Variants in IRS1 observed in about 807,000 individuals in gnomAD.
The protein encoded by IRS1 is insulin receptor substrate 1.
IRS1 carries 34 observed loss-of-function variants against 65.6 expected under a neutral mutation model. The observed-to-expected ratio is 0.52, with a 90% CI of 0.39 to 0.69. IRS1 has a LOEUF of 0.69. Ranked by LOEUF, IRS1 falls within the 30% of genes least tolerant of loss-of-function variation. The pLI is 0.00. For missense variants in IRS1, 1,641 were observed against 1,720.2 expected (o/e 0.95, Z 0.81); for synonymous variants, 699 against 683.5 (o/e 1.02, Z -0.35).
At position 226,735,777 on chromosome 2, in the gene IRS1, A is replaced by T. The variant is rs1285545136; in HGVS notation, c.*495T>A. 1 of 152,674 alleles carries T rather than the reference A, an allele frequency of 6.5e-6. No individual in the cohort carries two copies. The allele number at this position is 152,674 out of a possible 1,614,324, so 9.5% of individuals were successfully genotyped here. On this transcript the variant is annotated 3_prime_UTR_variant, in exon 2 of 2. Transcript: ENST00000305123. ...TGTAAGAAAAGTTACATTTTCATTT[A>T]AAAAATTACACATATAAATCAAAAC...
At chr2:226,748,579 G>C (rs570265894) in intron 1 of IRS1, among the ~76,000 whole-genome samples, 1 of 152,054 alleles carries the variant, frequency 6.6e-6, no homozygotes, top group African/African-American at 2.4e-5. Flanking sequence ...TCAGAACACT[G>C]TTTCATAGAG....
At chr2:226,776,394 C>T (rs906114140) in intron 1 of IRS1, among the ~76,000 whole-genome samples, 4 of 151,912 alleles carry the variant, frequency 2.6e-5, no homozygotes, top group African/African-American at 9.7e-5. Context: ...AGATAACTGC[C>T]CAATCCTTAA....
intron 1 of IRS1, among the ~76,000 whole-genome samples, chr2:226,787,026 A>C (rs1308501391): frequency 1.3e-5 from 2 of 152,174 alleles, no homozygotes; most frequent in Non-Finnish European, 2.9e-5. Flanking sequence ...AAGCTAAGAT[A>C]GCAAGAAAAG....
At chr2:226,743,902 A>G (rs1238008055) in intron 1 of IRS1, among the ~76,000 whole-genome samples, 1 of 152,244 alleles carries the variant, frequency 6.6e-6, no homozygotes, top group Non-Finnish European at 1.5e-5. Flanking sequence ...AAAGGGAATC[A>G]GGCAGAGCCT....
intron 1 of IRS1, among the ~76,000 whole-genome samples, chr2:226,751,140 AG>A (rs1214061656): frequency 6.6e-6 from 1 of 152,168 alleles, no homozygotes; most frequent in African/African-American, 2.4e-5. Context: ...GTAAGGTTCT[AG>A]AAGAGTTAAC....
rs138469608 is a variant in IRS1, at chr2:226,763,471, C to A, written c.*22-27221G>T. ...CATCTCAGATCCTGGTGGTTACCCC[C>A]TTTGAATGCCAACGTGAAAATGAAA... On this transcript the variant is annotated intron_variant, in intron 1 of 1. Transcript: ENST00000305123. Among the ~76,000 whole-genome samples, 464 of 152,314 alleles carry A rather than the reference C, an allele frequency of 3.0e-3. 4 individuals are homozygous for A. The highest frequency in any genetic ancestry group is 0.013 in the South Asian group (65 of 4,832).
chr2:226,781,473 C>A (rs1939380826), intron 1 of IRS1, among the ~76,000 whole-genome samples: 2 of 152,132 alleles, frequency 1.3e-5, no homozygotes, highest in African/African-American at 4.8e-5. Context: ...TAAAAATCCA[C>A]CTAAAAGGAG....
chr2:226,741,164 G>A (rs1219185189), intron 1 of IRS1, among the ~76,000 whole-genome samples: 1 of 152,108 alleles, frequency 6.6e-6, no homozygotes, highest in Admixed American at 6.6e-5. Context: ...TTAAAATGCT[G>A]CATTTAATGT....
At chr2:226,788,368 A>C (rs1939526601) in intron 1 of IRS1, among the ~76,000 whole-genome samples, 1 of 152,186 alleles carries the variant, frequency 6.6e-6, no homozygotes, top group South Asian at 2.1e-4. Context: ...TGCCATTATC[A>C]ATGGAAAATA....
rs2106155248 is a variant in IRS1 at position 226,734,060 on chromosome 2, G to A, written c.*2212C>T. 1 of 152,234 alleles carries A rather than the reference G, an allele frequency of 6.6e-6. No individual in the cohort carries two copies. The highest frequency in any genetic ancestry group is 2.4e-5 in the African/African-American group (1 of 41,554). 9.4% of individuals were successfully genotyped at this position (152,234 alleles called of 1,614,324 possible). A position where few individuals can be genotyped will look rare whatever the true frequency, so the allele number is the denominator to read the frequency against. The stretch of plus-strand genomic sequence containing the variant: ...ACCAGCTTTACAGGAAAATGGTTGG[G>A]AGTGACTTTGTTCATTGATTTCTCT... On this transcript the variant is annotated 3_prime_UTR_variant, in exon 2 of 2. Coordinates refer to ENST00000305123, the MANE Select transcript of IRS1 (RefSeq NM_005544.3).
chr2:226,791,443 G>A (rs1334232922), intron 1 of IRS1, among the ~76,000 whole-genome samples: 8 of 152,208 alleles, frequency 5.3e-5, no homozygotes, highest in Middle Eastern at 3.2e-3. Context: ...AAGAGCAAGT[G>A]TGTGTTTCCG....
intron 1 of IRS1, among the ~76,000 whole-genome samples, chr2:226,778,628 A>T (rs1574656053): frequency 1.3e-5 from 2 of 152,226 alleles, no homozygotes; most frequent in East Asian, 1.9e-4. Context: ...ACTCTTTACA[A>T]TACCTAGTGA....
chr2:226,765,267 T>A (rs1407497975), intron 1 of IRS1, among the ~76,000 whole-genome samples: 1 of 152,192 alleles, frequency 6.6e-6, no homozygotes, highest in East Asian at 1.9e-4. Flanking sequence ...TTAGAAAAAA[T>A]CTGCTTAGAC....
chr2:226,793,868 C>T (rs925017245), intron 1 of IRS1, among the ~76,000 whole-genome samples: 2 of 152,148 alleles, frequency 1.3e-5, no homozygotes, highest in African/African-American at 2.4e-5. Flanking sequence ...ATCAACAGAA[C>T]GAAGGGCAGG....
Position 226,798,272 on chromosome 2 carries a change from G to C in IRS1, c.467C>G (p.Pro156Arg). 6.2e-7 allele frequency: 1 copy of C among 1,613,096 alleles called. No homozygotes were observed. Among genetic ancestry groups the C allele is most frequent in the Non-Finnish European group, 8.5e-7 (1 of 1,179,900 alleles). The change falls in exon 1 of 2, where the codon CCA becomes CGA. Residue 156 changes from proline to arginine, a missense_variant. Around this residue, in one of 3 missense-constraint regions of IRS1, gnomAD observed 240 missense variants for 229.6 expected, o/e 1.05. Coordinates refer to ENST00000305123, the MANE Select transcript of IRS1 (RefSeq NM_005544.3). The surrounding 1 kb of genome is among the most constrained non-coding windows in gnomAD (Gnocchi z 9.4). Reference sequence around the variant, plus strand: ...CCAGACCTCTTTGAATGCGGGTCCTGGGGGCACGTCACCGTAGCTCAAGTC... The same window carrying C: ...CCAGACCTCTTTGAATGCGGGTCCTCGGGGCACGTCACCGTAGCTCAAGTC... ...GEDLSYGDVP[P>R]GPAFKEVWQV...
At chr2:226,776,759 T>C (rs1174553201) in intron 1 of IRS1, among the ~76,000 whole-genome samples, 1 of 152,020 alleles carries the variant, frequency 6.6e-6, no homozygotes, top group African/African-American at 2.4e-5. Context: ...ATACAAAAAT[T>C]AGCCTGGCAT....
intron 1 of IRS1, among the ~76,000 whole-genome samples, chr2:226,774,335 G>A (rs1939226673): frequency 6.6e-6 from 1 of 152,196 alleles, no homozygotes; most frequent in Non-Finnish European, 1.5e-5. Context: ...GATGATCACA[G>A]TGGTTCCAAG....
chr2:226,789,954 C>T (rs1036633516), intron 1 of IRS1, among the ~76,000 whole-genome samples: 1 of 152,144 alleles, frequency 6.6e-6, no homozygotes, highest in African/African-American at 2.4e-5. Context: ...TCCTTCCAGG[C>T]CCCAGTCTGT....
At position 226,796,710 on chromosome 2, in the gene IRS1, C is replaced by T; in HGVS notation, c.2029G>A (p.Gly677Ser). Residue 677 changes from glycine to serine, a missense_variant, in exon 1 of 2, where the codon GGT becomes AGT. Transcript: ENST00000305123. ...PSGGCSPDIG[G>S]GPSSSSSSSN... is the part of the protein sequence containing the mutation. Reference sequence around the variant, plus strand: ...CTGCTGCTGCTGCTGCTGGGGCCACCTCCAATGTCAGGAGAGCAGCCACCG... The same window carrying T: ...CTGCTGCTGCTGCTGCTGGGGCCACTTCCAATGTCAGGAGAGCAGCCACCG... 6.2e-7 allele frequency: 1 copy of T among 1,613,676 alleles called. No individual in the cohort carries two copies. The highest frequency in any genetic ancestry group is 2.2e-5 in the East Asian group (1 of 44,868).
Sources: gnomAD v4.1 joint callset for allele counts (sites outside exome capture counted in the v4.1 genomes callset) on GRCh38, gnomAD v4.1.1 for gene constraint, gnomAD v4.1.1 regional missense constraint, Gnocchi (gnomAD v3.1) non-coding constraint, MANE v1.5 for transcripts, NCBI Gene and HGNC (gene_info 2026-07-23, HGNC 2026-07-21) for gene names.